Variants in AGBL4 observed in about 807,000 individuals in gnomAD.
The protein encoded by AGBL4 is cytosolic carboxypeptidase 6.
In AGBL4, 58 loss-of-function variants were observed where a neutral mutation model predicts 66.4. The observed-to-expected ratio is 0.87, with a 90% CI of 0.71 to 1.09. The LOEUF (loss-of-function observed/expected upper bound fraction) is 1.09. AGBL4 is among the 50% of genes least tolerant of loss of function. AGBL4 has a pLI of 0.00. For missense variants in AGBL4, 579 were observed against 631.0 expected (o/e 0.92, Z 0.88); for synonymous variants, 234 against 222.9 (o/e 1.05, Z -0.44).
At chr1:48,809,372 G>A (rs1247709415) in intron 6 of AGBL4, among the ~76,000 whole-genome samples, 2 of 152,204 alleles carry the variant, frequency 1.3e-5, no homozygotes, top group Non-Finnish European at 2.9e-5. Context: ...TAAACAGGCA[G>A]CACCCTTGGC....
In AGBL4 at chr1:48,533,763, G is replaced by A. The variant is rs566463008; in HGVS notation, c.*410C>T. The A allele has an allele frequency of 1.4e-5, 3 of 211,858 alleles. No homozygotes were observed. The East Asian group carries it at 4.0e-4, about 28-fold the overall frequency. The allele number at this position is 211,858 out of a possible 1,614,324, so 13.1% of individuals were successfully genotyped here. A position where few individuals can be genotyped will look rare whatever the true frequency, so the allele number is the denominator to read the frequency against. ...AAAATACAAACACTGCATTTCTAAA[G>A]CTGTAAACAACCAAGCCTATTTAAA... is the stretch of plus-strand genomic sequence containing the variant. On this transcript the variant is annotated 3_prime_UTR_variant, in exon 14 of 14. Coordinates refer to ENST00000371839, the MANE Select transcript of AGBL4 (RefSeq NM_032785.4).
chr1:49,117,707 T>C (rs894281518), intron 4 of AGBL4, among the ~76,000 whole-genome samples: 1 of 152,218 alleles, frequency 6.6e-6, no homozygotes, highest in African/African-American at 2.4e-5. Flanking sequence ...ATATGGGCTC[T>C]TTTTTGGTTC....
At chr1:49,412,567 C>G (rs1287188615) in intron 3 of AGBL4, among the ~76,000 whole-genome samples, 1 of 152,142 alleles carries the variant, frequency 6.6e-6, no homozygotes, top group Non-Finnish European at 1.5e-5. Context: ...GTTTCCCCAG[C>G]ATCATGCTTT....
rs12089131 is a variant in AGBL4, at chr1:48,748,884, T to A, written c.635-85643A>T. Reference sequence around the variant, plus strand: ...TCTGTGAGTGAGGGCAGGAGCAGGCTTCGTTGGGCAGAGGCAGGAGAAAAA... The same window carrying A: ...TCTGTGAGTGAGGGCAGGAGCAGGCATCGTTGGGCAGAGGCAGGAGAAAAA... On this transcript the variant is annotated intron_variant, in intron 6 of 13. Transcript: ENST00000371839. Among the ~76,000 whole-genome samples, 323 of 152,172 alleles carry A rather than the reference T, an allele frequency of 2.1e-3. 5 individuals carry two copies. Among genetic ancestry groups the A allele is most frequent in the African/African-American group, 7.3e-3 (301 of 41,506 alleles).
At chr1:49,436,483 C>A (rs896466043) in intron 3 of AGBL4, among the ~76,000 whole-genome samples, 1 of 151,966 alleles carries the variant, frequency 6.6e-6, no homozygotes, top group African/African-American at 2.4e-5. Flanking sequence ...GAATTAGAGG[C>A]ACATAATATT....
chr1:49,926,501 C>A (rs562610640), intron 1 of AGBL4, among the ~76,000 whole-genome samples: 84 of 152,276 alleles, frequency 5.5e-4, no homozygotes, highest in African/African-American at 2.0e-3. Context: ...CAAACATCCA[C>A]AACATTAAAA....
At chr1:49,859,372 G>C (rs1646512683) in intron 1 of AGBL4, among the ~76,000 whole-genome samples, 1 of 152,154 alleles carries the variant, frequency 6.6e-6, no homozygotes, top group African/African-American at 2.4e-5. Flanking sequence ...TCAGTCTGAG[G>C]AAAGTATATC....
At chr1:49,204,674 T>C (rs945254302) in intron 4 of AGBL4, among the ~76,000 whole-genome samples, 10 of 152,242 alleles carry the variant, frequency 6.6e-5, no homozygotes, top group Admixed American at 2.6e-4. Context: ...TCACATTTTT[T>C]CCTCTTATTT....
chr1:49,111,820 T>A (rs1413786729), intron 4 of AGBL4, among the ~76,000 whole-genome samples: 1 of 152,220 alleles, frequency 6.6e-6, no homozygotes, highest in Non-Finnish European at 1.5e-5. Context: ...GCTCAGTAAA[T>A]ATCTGTTAGA....
chr1:48,724,217 C>T (rs1647194774), intron 6 of AGBL4, among the ~76,000 whole-genome samples: 1 of 152,188 alleles, frequency 6.6e-6, no homozygotes, highest in Non-Finnish European at 1.5e-5. Flanking sequence ...ACTCTCATTA[C>T]TCCTAATAAC....
chr1:49,480,152 C>T (rs1480025283), intron 3 of AGBL4, among the ~76,000 whole-genome samples: 1 of 151,736 alleles, frequency 6.6e-6, no homozygotes, highest in Non-Finnish European at 1.5e-5. Flanking sequence ...GGATATATAC[C>T]CAATAATGAG....
intron 6 of AGBL4, among the ~76,000 whole-genome samples, chr1:48,695,101 G>T (rs1314870317): frequency 6.6e-6 from 1 of 152,206 alleles, no homozygotes; most frequent in Non-Finnish European, 1.5e-5. Context: ...GTCACTCAGA[G>T]AATATAGGAC....
intron 3 of AGBL4, among the ~76,000 whole-genome samples, chr1:49,674,180 C>CT (rs1043579620): frequency 1.3e-5 from 2 of 152,040 alleles, no homozygotes; most frequent in Non-Finnish European, 2.9e-5. Context: ...TTTTAGAACT[C>CT]TATTTGAAAT....
chr1:48,996,290 C>T (rs1447725860), intron 5 of AGBL4, among the ~76,000 whole-genome samples: 1 of 152,140 alleles, frequency 6.6e-6, no homozygotes, highest in African/African-American at 2.4e-5. Context: ...AGATATGGAA[C>T]TCATTAGCAT....
chr1:48,591,077 CACACACCCACCCA>C, intron 9 of AGBL4, 92 bp from the exon 10 acceptor site: 1 of 967,552 alleles, frequency 1.0e-6, no homozygotes, highest in Non-Finnish European at 1.4e-6. Context: ...ACACCCCCCA[CACACACCCACCCA>C]CCCCCCCCCA....
chr1:49,810,733 C>T (rs1645081110), intron 2 of AGBL4, among the ~76,000 whole-genome samples: 1 of 152,080 alleles, frequency 6.6e-6, no homozygotes, highest in African/African-American at 2.4e-5. Flanking sequence ...TCTTAAGTGA[C>T]ATGTTGAGGA....
At chr1:49,190,472 G>T (rs1235541714) in intron 4 of AGBL4, among the ~76,000 whole-genome samples, 1 of 152,136 alleles carries the variant, frequency 6.6e-6, no homozygotes, top group Non-Finnish European at 1.5e-5. Context: ...GTTTGACTTT[G>T]CATTCATCAG....
At chr1:49,723,886 C>T (rs1420993640) in intron 2 of AGBL4, among the ~76,000 whole-genome samples, 2 of 152,100 alleles carry the variant, frequency 1.3e-5, no homozygotes, top group African/African-American at 4.8e-5. Context: ...ATGATATCTT[C>T]TATATGCATG....
At chr1:49,485,618 A>C (rs1280107818) in intron 3 of AGBL4, among the ~76,000 whole-genome samples, 1 of 151,774 alleles carries the variant, frequency 6.6e-6, no homozygotes, top group Admixed American at 6.6e-5. Flanking sequence ...AATAATAATA[A>C]AAAGAAACAG....
Sources: gnomAD v4.1 joint callset for allele counts (sites outside exome capture counted in the v4.1 genomes callset) on GRCh38, gnomAD v4.1.1 for gene constraint, MANE v1.5 for transcripts, NCBI Gene and HGNC (gene_info 2026-07-23, HGNC 2026-07-21) for gene names.